The following ZNF273 variants were observed in gnomAD, a reference collection of about 807,000 sequenced individuals.
ZNF273 encodes the protein zinc finger protein 9.
A neutral mutation model predicts 14.9 loss-of-function variants in ZNF273; 11 were observed. The observed-to-expected ratio is 0.74, with a 90% CI of 0.46 to 1.22. The LOEUF is 1.22. ZNF273 is among the 50% of genes most tolerant of loss of function. The probability of loss-of-function intolerance (pLI) is 0.00; values close to 1 mark genes in which losing one functional copy is unlikely to be tolerated. For missense variants in ZNF273, 577 were observed against 660.6 expected, an observed-to-expected ratio of 0.87 and a Z score of 1.39; for synonymous variants, 199 against 223.9, an observed-to-expected ratio of 0.89 and a Z score of 0.99.
chr7:64,932,281 T>C (rs1408898114), downstream of ZNF273, among the ~76,000 whole-genome samples: 2 of 151,558 alleles, frequency 1.3e-5, no homozygotes, highest in Non-Finnish European at 2.9e-5. Context: ...AAATATAAAA[T>C]TTGCTAGAAA....
At chr7:64,923,637 C>T (rs1160055819) in intron 3 of ZNF273, 9 of 238,514 alleles carry the variant, frequency 3.8e-5, no homozygotes, top group East Asian at 1.5e-4. Context: ...CCACAGTGCC[C>T]GGCCAAGTAT....
downstream of ZNF273, among the ~76,000 whole-genome samples, chr7:64,884,110 G>A (rs538932858): frequency 4.6e-5 from 7 of 152,262 alleles, no homozygotes; most frequent in East Asian, 1.9e-4. Flanking sequence ...TTCTCATTGT[G>A]GATTTCGTTG....
At chr7:64,888,458 T>C (rs1288118935) in intron 1 of ZNF273, 1 of 985,698 alleles carries the variant, frequency 1.0e-6, no homozygotes, top group Non-Finnish European at 1.2e-6. Context: ...GGAAGGGAGC[T>C]TCTCCAGGTG....
downstream of ZNF273, among the ~76,000 whole-genome samples, chr7:64,883,591 G>A (rs1323018060): frequency 6.6e-6 from 1 of 152,174 alleles, no homozygotes; most frequent in Non-Finnish European, 1.5e-5. Context: ...TCACTTCGTC[G>A]CACAAGCCGT....
intron 1 of ZNF273, among the ~76,000 whole-genome samples, chr7:64,903,687 C>T (rs1452608736): frequency 3.3e-5 from 5 of 152,238 alleles, no homozygotes; most frequent in Non-Finnish European, 7.3e-5. Flanking sequence ...GCTGCCGCAG[C>T]GCCGCATCTC....
the ZNF273 span, among the ~76,000 whole-genome samples, chr7:64,936,503 C>T: frequency 6.6e-6 from 1 of 152,186 alleles, no homozygotes; most frequent in Non-Finnish European, 1.5e-5. Flanking sequence ...GGTTAACACA[C>T]TTTTACCATA....
downstream of ZNF273, among the ~76,000 whole-genome samples, chr7:64,932,302 A>AATTT (rs571234984): frequency 4.3e-4 from 65 of 151,834 alleles, no homozygotes; most frequent in South Asian, 8.3e-4. Context: ...ATATGTTAGA[A>AATTT]ATTTATTTAT....
At chr7:64,920,279 G>C (rs1444589946) in intron 3 of ZNF273, among the ~76,000 whole-genome samples, 1 of 152,160 alleles carries the variant, frequency 6.6e-6, no homozygotes, top group African/African-American at 2.4e-5. Context: ...CACCAGGGCA[G>C]GTTTTTGCAG....
At chr7:64,910,922 T>G (rs185804626) in intron 1 of ZNF273, among the ~76,000 whole-genome samples, 1 of 152,036 alleles carries the variant, frequency 6.6e-6, no homozygotes, top group Non-Finnish European at 1.5e-5. Flanking sequence ...TGCACCACCA[T>G]GCCTGGCTAA....
intron 3 of ZNF273, among the ~76,000 whole-genome samples, chr7:64,896,074 T>C (rs368611174): frequency 6.6e-6 from 1 of 152,076 alleles, no homozygotes; most frequent in African/African-American, 2.4e-5. Flanking sequence ...ATATATGTTG[T>C]AGGCAATTAT....
At chr7:64,905,420 C>CTTT (rs34374261) in intron 1 of ZNF273, among the ~76,000 whole-genome samples, 3 of 84,224 alleles carry the variant, frequency 3.6e-5, no homozygotes, top group Non-Finnish European at 5.0e-5. Flanking sequence ...GCTGGCCACA[C>CTTT]TTTTTTTTTT....
Position 64,926,027 on chromosome 7 carries a change from AT to A in ZNF273, c.326-1626del, listed in dbSNP as rs531420854. 4.7e-3 allele frequency among the ~76,000 whole-genome samples: 601 copies of A among 128,548 alleles called. 2 individuals carry two copies. The highest frequency in any genetic ancestry group is 0.016 in the African/African-American group (559 of 34,682). 84.3% of individuals were successfully genotyped at this position (128,548 alleles called of 152,430 possible). The stretch of plus-strand genomic sequence containing the variant: ...TCAGTGGAAATAACTCCTTTTCACC[AT>A]CTTTGATATGTAGGGCAAATGGAGT... On this transcript the variant is annotated intron_variant, in intron 3 of 3. Coordinates refer to ENST00000476120, the MANE Select transcript of ZNF273 (RefSeq NM_021148.3).
downstream of ZNF273, chr7:64,889,343 A>G: frequency 1.0e-6 from 1 of 960,852 alleles, no homozygotes; most frequent in Non-Finnish European, 1.2e-6. This position sits in a 1 kb window ranked among gnomAD's most constrained non-coding sequence, Gnocchi z 4.2. Context: ...CCTCCGCCCC[A>G]ACAGCTGGTG....
Position 64,927,908 on chromosome 7 carries a change from AAT to A in ZNF273, c.584_585del (p.Ile195ThrfsTer2), listed in dbSNP as rs1794841596. The A allele has an allele frequency of 3.7e-6, 6 of 1,613,362 alleles. No individual in the cohort carries two copies. The highest frequency in any genetic ancestry group is 4.2e-6 in the Non-Finnish European group (5 of 1,179,788). On this transcript the variant is annotated frameshift_variant, in exon 4 of 4. Coordinates refer to ENST00000476120, the MANE Select transcript of ZNF273 (RefSeq NM_021148.3). LOFTEE classifies it low-confidence loss of function (END_TRUNC). ...AGTCCTTCATAAATTCTCAAATTCA[AAT>A]ATACATAAGAAAAGACAAACTGGAA... is the stretch of plus-strand genomic sequence containing the variant. ...VKVLHKFSNS[N>X]IHKKRQTGKK...
chr7:64,884,884 A>G (rs1476274480), intron 1 of ZNF273, among the ~76,000 whole-genome samples: 2 of 152,094 alleles, frequency 1.3e-5, no homozygotes, highest in Non-Finnish European at 2.9e-5. Flanking sequence ...TTCCACAGTG[A>G]TTGTCGCAGG....
chr7:64,922,176 T>C (rs1363047264), intron 3 of ZNF273, among the ~76,000 whole-genome samples: 1 of 151,640 alleles, frequency 6.6e-6, no homozygotes, highest in Non-Finnish European at 1.5e-5. Context: ...AGGATCTCAT[T>C]CCATCAACCA....
At chr7:64,925,046 A>G (rs1584010096) in intron 3 of ZNF273, among the ~76,000 whole-genome samples, 1 of 151,964 alleles carries the variant, frequency 6.6e-6, no homozygotes, top group African/African-American at 2.4e-5. Flanking sequence ...AAGGTGATCC[A>G]CCGCCTCGGT....
In ZNF273 at chr7:64,897,493, A is replaced by G. The variant is rs371663409; in HGVS notation, n.634A>G. ...AGGCGCCCGCCACCACACCCAGCTA[A>G]TTTTTTGTATTTTTAGTAGAGACGG... On this transcript the variant is annotated non_coding_transcript_exon_variant, in exon 4 of 8. Coordinates refer to the ZNF273 transcript ENST00000527278. 1.2e-3 allele frequency: 177 copies of G among 150,418 alleles called. 1 individual carries two copies. Among genetic ancestry groups the G allele is most frequent in the African/African-American group, 4.1e-3 (166 of 40,954 alleles). The allele number at this position is 150,418 out of a possible 1,614,324, so 9.3% of individuals were successfully genotyped here.
Position 64,930,876 on chromosome 7 carries a change from A to T in ZNF273, c.*1838A>T, listed in dbSNP as rs1331647298. ...TACTAGCATTTATCCTTTGTATTTT[A>T]TTTTAAAATGTACAACTAAATTGTT... On this transcript the variant is annotated 3_prime_UTR_variant, in exon 4 of 4. Transcript: ENST00000476120. 3 of 152,100 alleles carry T rather than the reference A, an allele frequency of 2.0e-5. No homozygotes were observed. Among genetic ancestry groups the T allele is most frequent in the Non-Finnish European group, 1.5e-5 (1 of 67,972 alleles). The allele number at this position is 152,100 out of a possible 1,614,324, so 9.4% of individuals were successfully genotyped here.
Sources: gnomAD v4.1 joint callset for allele counts (sites outside exome capture counted in the v4.1 genomes callset) on GRCh38, gnomAD v4.1.1 for gene constraint, Gnocchi (gnomAD v3.1) non-coding constraint, MANE v1.5 for transcripts, NCBI Gene and HGNC (gene_info 2026-07-23, HGNC 2026-07-21) for gene names.